ZNF160: variants seen among roughly 807,000 people sequenced by gnomAD.
ZNF160 encodes KRAB zinc finger protein KR18.
ZNF160 carries 9 observed loss-of-function variants against 13.1 expected under a neutral mutation model. The ratio of observed to expected loss-of-function variants is 0.69; its 90% CI spans 0.41 to 1.20. ZNF160 has a LOEUF of 1.20. Ranked by LOEUF, ZNF160 falls within the 50% of genes most tolerant of loss-of-function variation. The pLI is 0.01. For missense variants in ZNF160, 838 were observed against 988.0 expected, an observed-to-expected ratio of 0.85 and a Z score of 2.04; for synonymous variants, 293 against 333.2, an observed-to-expected ratio of 0.88 and a Z score of 1.31.
Position 53,068,722 on chromosome 19 carries a change from A to G in ZNF160, c.1812T>C (p.Asp604=), listed in dbSNP as rs778834226. 1 of 1,614,070 alleles carries G rather than the reference A, an allele frequency of 6.2e-7. No homozygotes were observed. The highest frequency in any genetic ancestry group is 8.5e-7 in the Non-Finnish European group (1 of 1,180,028). Residue 604 remains aspartate (D), a synonymous_variant, in exon 6 of 6, where the codon GAT becomes GAC. Coordinates refer to ENST00000683776, the MANE Select transcript of ZNF160 (RefSeq NM_001322131.2). ...CCTGATGAAAAGTTAGGCTTGAACG[A>G]TCACTAAAGGCTCTGCCACAGTCAT... The part of the protein sequence containing the change: ...KCNDCGRAFS[D]RSSLTFHQAI...
intron 5 of ZNF160, 42 bp downstream of exon 5, chr19:53,074,098 T>C (rs1013873752): frequency 6.3e-7 from 1 of 1,595,692 alleles, no homozygotes; most frequent in Non-Finnish European, 8.6e-7. Flanking sequence ...TCCCACACTC[T>C]AGTTAATGAG....
chr19:53,083,589 C>T (rs2084716393), intron 3 of ZNF160, among the ~76,000 whole-genome samples: 1 of 152,132 alleles, frequency 6.6e-6, no homozygotes, highest in Non-Finnish European at 1.5e-5. Context: ...GAAAGGAAGA[C>T]AACAGTGCGT....
intron 3 of ZNF160, among the ~76,000 whole-genome samples, chr19:53,078,205 A>T (rs1027590878): frequency 1.3e-5 from 2 of 151,932 alleles, no homozygotes; most frequent in Non-Finnish European, 2.9e-5. Context: ...GCACCACTGC[A>T]CTCCAGCCTG....
At chr19:53,090,718 G>C (rs2085002418) in intron 2 of ZNF160, among the ~76,000 whole-genome samples, 2 of 152,158 alleles carry the variant, frequency 1.3e-5, no homozygotes, top group Non-Finnish European at 2.9e-5. Flanking sequence ...GGTGTCTCAG[G>C]GGAGGGGTGG....
intron 2 of ZNF160, among the ~76,000 whole-genome samples, chr19:53,090,669 C>A (rs1385511127): frequency 6.6e-6 from 1 of 152,078 alleles, no homozygotes; most frequent in Non-Finnish European, 1.5e-5. Context: ...GGGAGGCCTG[C>A]AGGATAGAGG....
At position 53,068,726 on chromosome 19, in the gene ZNF160, C is replaced by T. The variant is rs2084051943; in HGVS notation, c.1808G>A (p.Ser603Asn). ...ATGAAAAGTTAGGCTTGAACGATCA[C>T]TAAAGGCTCTGCCACAGTCATTACA... is the stretch of plus-strand genomic sequence containing the variant. ...YKCNDCGRAF[S>N]DRSSLTFHQA... is the part of the protein sequence containing the mutation. Residue 603 changes from serine to asparagine, a missense_variant, in exon 6 of 6, where the codon AGT becomes AAT. Around this residue, in one of 3 missense-constraint regions of ZNF160, gnomAD observed 400 missense variants for 538.9 expected, o/e 0.74. Transcript: ENST00000683776. 1.9e-6 allele frequency: 3 copies of T among 1,614,036 alleles called. No individual in the cohort carries two copies. In the South Asian group the frequency reaches 3.3e-5, roughly 18 times the overall value.
intron 2 of ZNF160, 172 bp downstream of exon 2, chr19:53,091,241 C>T (rs1468834955): frequency 6.6e-6 from 1 of 152,408 alleles, no homozygotes. Flanking sequence ...CCGGTGGTCC[C>T]AGCTACTCAG....
At chr19:53,082,401 G>T (rs898839278) in intron 3 of ZNF160, among the ~76,000 whole-genome samples, 3 of 152,182 alleles carry the variant, frequency 2.0e-5, no homozygotes, top group African/African-American at 7.2e-5. Flanking sequence ...ATCAGATGTG[G>T]CCAGGTGCAG....
intron 3 of ZNF160, 192 bp from the exon 4 acceptor site, chr19:53,075,375 A>G: frequency 1.6e-6 from 1 of 622,324 alleles, no homozygotes. Context: ...ACTTGAAATC[A>G]GTGGAGTGAT....
At chr19:53,085,365 A>G (rs2084791872) in intron 3 of ZNF160, 1 of 240,226 alleles carries the variant, frequency 4.2e-6, no homozygotes, top group Non-Finnish European at 6.7e-6. Context: ...AATTGAGAAC[A>G]GTGGCTCCCC....
In ZNF160 at chr19:53,086,329, A is replaced by G. The variant is rs2084829071; in HGVS notation, c.-45-8T>C. The G allele has an allele frequency of 2.6e-6, 4 of 1,559,108 alleles. No individual in the cohort carries two copies. On this transcript the variant is annotated splice_region_variant and splice_polypyrimidine_tract_variant and intron_variant, in intron 2 of 5. Transcript: ENST00000683776. ...CTTCTTCCAGACTTCTTCCTTGGGTAACATAAAAGAGTCTTTAGAAGTCAA... is the reference window on the plus strand; with the variant it reads ...CTTCTTCCAGACTTCTTCCTTGGGTGACATAAAAGAGTCTTTAGAAGTCAA...
At chr19:53,074,925 A>T in intron 4 of ZNF160, 132 bp downstream of exon 4, 1 of 1,216,740 alleles carries the variant, frequency 8.2e-7, no homozygotes, top group Non-Finnish European at 1.2e-6. Flanking sequence ...TCCCATGATT[A>T]AGCTTTCCAT....
At chr19:53,100,466 C>T (rs923478500) in intron 1 of ZNF160, among the ~76,000 whole-genome samples, 3 of 152,020 alleles carry the variant, frequency 2.0e-5, no homozygotes, top group Admixed American at 6.6e-5. Context: ...AAAAATTTGC[C>T]GGGCGTGGTG....
chr19:53,094,607 G>A (rs2085151752), intron 1 of ZNF160, among the ~76,000 whole-genome samples: 1 of 152,090 alleles, frequency 6.6e-6, no homozygotes, highest in African/African-American at 2.4e-5. Context: ...CGTTTTCAAT[G>A]TAAGAGTAAA....
At chr19:53,086,375 C>T in intron 2 of ZNF160, 54 bp from the exon 3 acceptor site, 1 of 1,455,270 alleles carries the variant, frequency 6.9e-7, no homozygotes, top group Non-Finnish European at 9.2e-7. Context: ...CCAAAATATG[C>T]TGCTTAGGGC....
rs757325406 is a variant in ZNF160 at position 53,074,156 on chromosome 19, G to A, written c.255C>T (p.Val85=). The part of the protein sequence containing the change: ...IARKPRTPEC[V]KGVVTDIPPK... ...AGCTCTTACCTGTGACCACGCCTTTGACACATTCCGGCGTTCTTGGTTTTC... is the reference window on the plus strand; with the variant it reads ...AGCTCTTACCTGTGACCACGCCTTTAACACATTCCGGCGTTCTTGGTTTTC... Residue 85 remains valine (V), a synonymous_variant, in exon 5 of 6, where the codon GTC becomes GTT. Transcript: ENST00000683776. The A allele has an allele frequency of 1.2e-6, 2 of 1,613,846 alleles. No homozygotes were observed. The highest frequency in any genetic ancestry group is 2.2e-5 in the East Asian group (1 of 44,874).
intron 5 of ZNF160, chr19:53,073,248 G>C: frequency 6.8e-7 from 1 of 1,479,348 alleles, no homozygotes. Flanking sequence ...CTGAAGCCTG[G>C]AAAAACAGAA....
At chr19:53,097,372 G>A (rs1200267510) in intron 1 of ZNF160, among the ~76,000 whole-genome samples, 14 of 147,902 alleles carry the variant, frequency 9.5e-5, no homozygotes, top group Non-Finnish European at 1.9e-4. Context: ...AGCCATCTGC[G>A]CCTGATTCTT....
At chr19:53,077,959 G>A (rs868190325) in intron 3 of ZNF160, among the ~76,000 whole-genome samples, 1 of 151,948 alleles carries the variant, frequency 6.6e-6, no homozygotes, top group African/African-American at 2.4e-5. Context: ...AAACACACTA[G>A]AGCCAGGCGT....
Sources: gnomAD v4.1 joint callset for allele counts (sites outside exome capture counted in the v4.1 genomes callset) on GRCh38, gnomAD v4.1.1 for gene constraint, gnomAD v4.1.1 regional missense constraint, MANE v1.5 for transcripts, NCBI Gene and HGNC (gene_info 2026-07-23, HGNC 2026-07-21) for gene names.